Variants in ITGA9 observed in about 807,000 individuals in gnomAD.
ITGA9 encodes integrin alpha-9.
A neutral mutation model predicts 127.8 loss-of-function variants in ITGA9; 56 were observed. The observed-to-expected ratio is 0.44, with a 90% confidence interval of 0.35 to 0.55. The LOEUF is 0.55. ITGA9 is among the 20% of genes least tolerant of loss of function. The pLI is 0.00. For synonymous variants in ITGA9, 508 were observed against 514.5 expected (o/e 0.99, Z 0.17); for missense variants, 1,196 against 1,347.1 (o/e 0.89, Z 1.76).
intron 15 of ITGA9, among the ~76,000 whole-genome samples, chr3:37,578,112 T>G (rs1245365252): frequency 6.6e-6 from 1 of 151,934 alleles, no homozygotes; most frequent in Non-Finnish European, 1.5e-5. Flanking sequence ...TTTTGGGGGG[T>G]GGGAGGCTGC....
In ITGA9 at chr3:37,602,553, AT is replaced by A. The variant is rs922785055; in HGVS notation, c.1690-26627del. Among the ~76,000 whole-genome samples the A allele has an allele frequency of 7.9e-5, 12 of 152,182 alleles. No homozygotes were observed. In the East Asian group the frequency reaches 1.9e-3, roughly 25 times the overall value. ...CATCATACTTAAAGGATTCATTTGAATTTTTTTATTTATTTTTATTAAATCA... is the reference window on the plus strand; with the variant it reads ...CATCATACTTAAAGGATTCATTTGAATTTTTTATTTATTTTTATTAAATCA... On this transcript the variant is annotated intron_variant, in intron 15 of 27. Coordinates refer to ENST00000264741, the MANE Select transcript of ITGA9 (RefSeq NM_002207.3).
At chr3:37,499,858 A>G (rs1439839506) in intron 5 of ITGA9, among the ~76,000 whole-genome samples, 1 of 152,182 alleles carries the variant, frequency 6.6e-6, no homozygotes, top group Admixed American at 6.5e-5. Context: ...TTGAGAGGGG[A>G]TGCAGTGGTA....
At chr3:37,588,810 A>G (rs1026261032) in intron 15 of ITGA9, among the ~76,000 whole-genome samples, 2 of 152,128 alleles carry the variant, frequency 1.3e-5, no homozygotes, top group Non-Finnish European at 2.9e-5. Context: ...TGGCTGGTAA[A>G]TCTCAGTGAT....
At chr3:37,671,648 A>G (rs1351298119) in intron 17 of ITGA9, among the ~76,000 whole-genome samples, 1 of 152,126 alleles carries the variant, frequency 6.6e-6, no homozygotes, top group East Asian at 1.9e-4. Context: ...GGCTTCCTAT[A>G]AGTGAGTTTT....
At chr3:37,711,486 C>T (rs1471420367) in intron 18 of ITGA9, among the ~76,000 whole-genome samples, 2 of 152,222 alleles carry the variant, frequency 1.3e-5, no homozygotes, top group Non-Finnish European at 2.9e-5. Context: ...TCACTGTAAC[C>T]TTGAACTCTT....
intron 4 of ITGA9, among the ~76,000 whole-genome samples, chr3:37,489,906 T>C (rs1023689005): frequency 6.6e-6 from 1 of 152,176 alleles, no homozygotes; most frequent in Non-Finnish European, 1.5e-5. Flanking sequence ...GGAGTAATGG[T>C]GAGAGCACAC....
chr3:37,669,722 CA>C (rs1460799346), intron 17 of ITGA9, among the ~76,000 whole-genome samples: 1 of 152,140 alleles, frequency 6.6e-6, no homozygotes, highest in Non-Finnish European at 1.5e-5. Context: ...ATTTAAAAAC[CA>C]GACTTGTGGA....
chr3:37,735,190 A>G (rs749466821), intron 19 of ITGA9, among the ~76,000 whole-genome samples: 15 of 152,088 alleles, frequency 9.9e-5, no homozygotes, highest in African/African-American at 1.9e-4. Context: ...TTCTCACCCA[A>G]TTCTTTTGCC....
At chr3:37,621,334 T>A (rs1039898798) in intron 15 of ITGA9, among the ~76,000 whole-genome samples, 5 of 152,230 alleles carry the variant, frequency 3.3e-5, no homozygotes, top group Middle Eastern at 3.2e-3. Context: ...AACAGACTAA[T>A]ACACCAATTG....
At chr3:37,531,934 A>G (rs1023444601) in intron 13 of ITGA9, among the ~76,000 whole-genome samples, 6 of 152,140 alleles carry the variant, frequency 3.9e-5, no homozygotes, top group Non-Finnish European at 1.5e-5. Context: ...TGTCAGGGGT[A>G]CTAGAGAAGG....
intron 26 of ITGA9, among the ~76,000 whole-genome samples, chr3:37,794,640 T>C (rs1697151927): frequency 6.6e-6 from 1 of 151,854 alleles, no homozygotes; most frequent in Non-Finnish European, 1.5e-5. Flanking sequence ...TTATGGGGAG[T>C]AGTAGATAGT....
At chr3:37,805,608 T>G (rs1262403180) in intron 27 of ITGA9, among the ~76,000 whole-genome samples, 1 of 152,210 alleles carries the variant, frequency 6.6e-6, no homozygotes, top group Non-Finnish European at 1.5e-5. Flanking sequence ...GTTGAAAGCC[T>G]AGAAATAGAA....
At chr3:37,589,413 C>G (rs1009235479) in intron 15 of ITGA9, among the ~76,000 whole-genome samples, 46 of 152,144 alleles carry the variant, frequency 3.0e-4, no homozygotes, top group African/African-American at 1.1e-3. Context: ...AGCTAACATC[C>G]TAGCAGGTAG....
chr3:37,695,759 G>A (rs2125669881), intron 18 of ITGA9, among the ~76,000 whole-genome samples: 1 of 152,320 alleles, frequency 6.6e-6, no homozygotes, highest in East Asian at 1.9e-4. Context: ...AATCAGTTAG[G>A]AATATGTTGG....
At chr3:37,622,069 A>G (rs1559551681) in intron 15 of ITGA9, among the ~76,000 whole-genome samples, 1 of 151,868 alleles carries the variant, frequency 6.6e-6, no homozygotes, top group Non-Finnish European at 1.5e-5. Flanking sequence ...TGTGCTTGTC[A>G]TAAAGTTTTG....
chr3:37,769,921 C>T (rs1696823096), intron 23 of ITGA9, among the ~76,000 whole-genome samples: 1 of 152,142 alleles, frequency 6.6e-6, no homozygotes, highest in African/African-American at 2.4e-5. Context: ...TGTGGAATAG[C>T]TACTATGCAG....
intron 10 of ITGA9, 92 bp downstream of exon 10, chr3:37,517,701 T>C: frequency 2.2e-6 from 2 of 904,880 alleles, no homozygotes; most frequent in Non-Finnish European, 3.5e-6. Context: ...TGTCCATCTC[T>C]AGTGGCATGC....
intron 5 of ITGA9, among the ~76,000 whole-genome samples, chr3:37,494,817 G>T (rs1254158782): frequency 2.0e-5 from 3 of 152,136 alleles, no homozygotes; most frequent in Admixed American, 6.5e-5. Flanking sequence ...GATGATTTCT[G>T]TAGGAGTCTG....
intron 22 of ITGA9, chr3:37,748,571 A>G (rs1426106106): frequency 2.2e-6 from 1 of 457,328 alleles, no homozygotes; most frequent in Non-Finnish European, 4.0e-6. Flanking sequence ...AACATGGTGA[A>G]ATCCCGTCTC....
Sources: gnomAD v4.1 joint callset for allele counts (sites outside exome capture counted in the v4.1 genomes callset) on GRCh38, gnomAD v4.1.1 for gene constraint, MANE v1.5 for transcripts, NCBI Gene and HGNC (gene_info 2026-07-23, HGNC 2026-07-21) for gene names.